SERINC5: variants seen among roughly 807,000 people sequenced by gnomAD.
The protein encoded by SERINC5 is chromosome 5 open reading frame 12.
In SERINC5, 41 loss-of-function variants were observed where a neutral mutation model predicts 63.1. The ratio of observed to expected loss-of-function variants is 0.65; its 90% CI spans 0.51 to 0.84. The LOEUF (loss-of-function observed/expected upper bound fraction) is 0.84, where lower values mean the gene tolerates loss of function less well. Ranked by LOEUF, SERINC5 falls within the 40% of genes least tolerant of loss-of-function variation. SERINC5 has a pLI of 0.00. For synonymous variants in SERINC5, 222 were observed against 215.2 expected (o/e 1.03, Z -0.28); for missense variants, 523 against 573.0 (o/e 0.91, Z 0.89).
intron 11 of SERINC5, among the ~76,000 whole-genome samples, chr5:80,144,638 GA>G (rs1034870592): frequency 4.6e-5 from 7 of 152,150 alleles, no homozygotes; most frequent in Admixed American, 3.9e-4. Context: ...CCTTCAGGAA[GA>G]ATCTCTCCAA....
downstream of SERINC5, among the ~76,000 whole-genome samples, chr5:80,136,227 G>A (rs1745166428): frequency 1.3e-5 from 2 of 152,010 alleles, no homozygotes; most frequent in Admixed American, 1.3e-4. Context: ...AGGCTGCAGT[G>A]AGCTACGATC....
chr5:80,218,652 T>A (rs1750773608), intron 1 of SERINC5, among the ~76,000 whole-genome samples: 1 of 148,666 alleles, frequency 6.7e-6, no homozygotes, highest in Non-Finnish European at 1.5e-5. Context: ...TCCAGCCTGG[T>A]GACAGAGCAA....
intron 11 of SERINC5, among the ~76,000 whole-genome samples, chr5:80,125,735 T>C (rs966617937): frequency 2.0e-5 from 3 of 152,172 alleles, no homozygotes; most frequent in African/African-American, 4.8e-5. Flanking sequence ...TGTGGAGTTA[T>C]AATGGTGACC....
intron 2 of SERINC5, among the ~76,000 whole-genome samples, chr5:80,188,595 A>G (rs1748983310): frequency 6.6e-6 from 1 of 152,056 alleles, no homozygotes; most frequent in Admixed American, 6.6e-5. Context: ...CATACTACAT[A>G]GAATTCTAGG....
At chr5:80,150,119 G>C (rs897278674) in intron 9 of SERINC5, among the ~76,000 whole-genome samples, 2 of 152,206 alleles carry the variant, frequency 1.3e-5, no homozygotes, top group Non-Finnish European at 2.9e-5. Flanking sequence ...AGGCAGAGCA[G>C]ATATGGTTCC....
intron 2 of SERINC5, among the ~76,000 whole-genome samples, chr5:80,180,391 G>T (rs781686182): frequency 1.3e-5 from 2 of 152,268 alleles, no homozygotes; most frequent in South Asian, 4.2e-4. Flanking sequence ...AGGAAAGTGT[G>T]ATAAAGAAGA....
At chr5:80,131,281 T>C (rs540900485) in intron 11 of SERINC5, among the ~76,000 whole-genome samples, 2 of 152,328 alleles carry the variant, frequency 1.3e-5, no homozygotes, top group East Asian at 1.9e-4. Flanking sequence ...CTACACACTC[T>C]CTTGCCTGCC....
intron 1 of SERINC5, among the ~76,000 whole-genome samples, chr5:80,222,553 A>AGTATGTGAGTGTGTGTGTGT (rs550308144): frequency 8.6e-5 from 12 of 138,892 alleles, no homozygotes; most frequent in African/African-American, 3.1e-4. Flanking sequence ...TTTGTGGGTG[A>AGTATGTGAGTGTGTGTGTGT]GTGTGTGAGT....
chr5:80,250,206 A>C (rs1389624619), intron 1 of SERINC5, among the ~76,000 whole-genome samples: 2 of 152,222 alleles, frequency 1.3e-5, no homozygotes, highest in African/African-American at 4.8e-5. Flanking sequence ...AATCAAGTCC[A>C]CGAAGCAGAA....
At chr5:80,152,450 C>T (rs1295835926) in intron 8 of SERINC5, among the ~76,000 whole-genome samples, 3 of 148,798 alleles carry the variant, frequency 2.0e-5, no homozygotes, top group Non-Finnish European at 4.4e-5. Context: ...AGCATGATCA[C>T]ACCAGTGCAC....
chr5:80,143,028 C>T lies in SERINC5; in HGVS notation c.*635G>A, dbSNP rs1361334377. 8.1e-6 allele frequency: 8 copies of T among 985,250 alleles called. No homozygotes were observed. Among genetic ancestry groups the T allele is most frequent in the Admixed American group, 6.2e-5 (1 of 16,248 alleles). 61.0% of individuals were successfully genotyped at this position (985,250 alleles called of 1,614,324 possible). ...GTGGGACCCAGAAAAGATGAGACCT[C>T]GGGGAAGGGTGCAGGCAGAGAGTGA... On this transcript the variant is annotated 3_prime_UTR_variant, in exon 12 of 12. Coordinates refer to ENST00000507668, the MANE Select transcript of SERINC5 (RefSeq NM_001174072.3).
intron 1 of SERINC5, among the ~76,000 whole-genome samples, chr5:80,205,523 G>A (rs972011133): frequency 2.0e-5 from 3 of 152,196 alleles, no homozygotes; most frequent in African/African-American, 7.2e-5. Flanking sequence ...CTTTTACACT[G>A]CATTTCTACC....
chr5:80,112,363 CTTAT>C (rs780277300), intron 12 of SERINC5, among the ~76,000 whole-genome samples: 1 of 152,178 alleles, frequency 6.6e-6, no homozygotes, highest in Non-Finnish European at 1.5e-5. Flanking sequence ...TTCCCTTGAA[CTTAT>C]TTGTGACACA....
chr5:80,140,050 C>G lies in SERINC5; in HGVS notation c.*3613G>C, dbSNP rs1465837834. 1.0e-6 allele frequency: 1 copy of G among 985,114 alleles called. No individual in the cohort carries two copies. The highest frequency in any genetic ancestry group is 1.2e-6 in the Non-Finnish European group (1 of 829,850). The allele number at this position is 985,114 out of a possible 1,614,324, so 61.0% of individuals were successfully genotyped here. ...TCATCTTAAAAAGGCAGAGGGTAGGCTGCGTGCAGTGGTTTACGCCTATAA... is the reference window on the plus strand; with the variant it reads ...TCATCTTAAAAAGGCAGAGGGTAGGGTGCGTGCAGTGGTTTACGCCTATAA... On this transcript the variant is annotated 3_prime_UTR_variant, in exon 12 of 12. Transcript: ENST00000507668.
intron 5 of SERINC5, among the ~76,000 whole-genome samples, chr5:80,173,916 CTT>C (rs1196014548): frequency 6.6e-6 from 1 of 152,044 alleles, no homozygotes; most frequent in African/African-American, 2.4e-5. Context: ...ACCTAAAGCC[CTT>C]TGTTTCAATT....
At chr5:80,237,587 G>A (rs768521676) in intron 1 of SERINC5, among the ~76,000 whole-genome samples, 8 of 151,804 alleles carry the variant, frequency 5.3e-5, no homozygotes, top group Non-Finnish European at 1.0e-4. Context: ...CGCCCACCTC[G>A]GCCTCCCAAA....
At chr5:80,148,119 C>T (rs190661745) in intron 9 of SERINC5, among the ~76,000 whole-genome samples, 7 of 151,312 alleles carry the variant, frequency 4.6e-5, no homozygotes, top group Non-Finnish European at 7.4e-5. Flanking sequence ...AGCTGTTGCA[C>T]GGGCCGTGGG....
intron 11 of SERINC5, among the ~76,000 whole-genome samples, chr5:80,121,716 C>G (rs1744549085): frequency 6.6e-6 from 1 of 152,106 alleles, no homozygotes; most frequent in Non-Finnish European, 1.5e-5. Flanking sequence ...AACCATGGCA[C>G]CAGCATCTGC....
At chr5:80,121,364 G>C (rs1744536537) in intron 11 of SERINC5, among the ~76,000 whole-genome samples, 1 of 152,162 alleles carries the variant, frequency 6.6e-6, no homozygotes. Context: ...TCAAGAGTGA[G>C]AGTTGGTGTG....
Sources: allele counts gnomAD v4.1 joint callset (sites outside exome capture counted in the v4.1 genomes callset), GRCh38; gene constraint gnomAD v4.1.1; transcripts MANE v1.5; gene names NCBI Gene and HGNC (gene_info 2026-07-23, HGNC 2026-07-21).